The following ENG variants were observed in gnomAD, a reference collection of about 807,000 sequenced individuals.
ENG encodes endoglin.
In ENG, 17 loss-of-function variants were observed where a neutral mutation model predicts 71.0. The observed-to-expected ratio is 0.24, with a 90% CI of 0.16 to 0.36. The LOEUF is 0.36. ENG is among the 10% of genes least tolerant of loss of function. The pLI, the probability that ENG is intolerant of heterozygous loss-of-function variation, is 1.00. For missense variants in ENG, 749 were observed against 868.3 expected (o/e 0.86, Z 1.73); for synonymous variants, 360 against 366.9 (o/e 0.98, Z 0.21).
chr9:127,815,799 G>T lies in ENG; in HGVS notation c.1860C>A (p.Pro620=). ...CCGCCACCACGGGCTCCCGCTTGCT[G>T]GGGGAACCTGGGAGCGGGAGCGGGG... is the stretch of plus-strand genomic sequence containing the variant. ...LWYIYSHTRS[P]SKREPVVAVA... The change falls in exon 15 of 15, where the codon CCC becomes CCA. Residue 620 remains proline, a synonymous_variant. Coordinates refer to ENST00000373203, the MANE Select transcript of ENG (RefSeq NM_001114753.3). The T allele has an allele frequency of 1.3e-6, 2 of 1,546,470 alleles. No homozygotes were observed. Among genetic ancestry groups the T allele is most frequent in the Non-Finnish European group, 1.7e-6 (2 of 1,146,774 alleles).
At chr9:127,816,456 T>A in intron 13 of ENG, 1 of 341,706 alleles carries the variant, frequency 2.9e-6, no homozygotes. Context: ...CCAGAGCAGC[T>A]CCGAGTGCCC....
intron 1 of ENG, among the ~76,000 whole-genome samples, chr9:127,849,211 A>C (rs1255034215): frequency 6.6e-6 from 1 of 152,248 alleles, no homozygotes; most frequent in Non-Finnish European, 1.5e-5. Flanking sequence ...GGAACGACGT[A>C]GCAGTAGGGG....
At chr9:127,825,113 T>C in intron 6 of ENG, 118 bp downstream of exon 6, 1 of 1,597,882 alleles carries the variant, frequency 6.3e-7, no homozygotes. Flanking sequence ...TTCCCTCACG[T>C]ATGGGCATAG....
At chr9:127,845,716 T>C (rs1253731437) in intron 1 of ENG, among the ~76,000 whole-genome samples, 1 of 152,220 alleles carries the variant, frequency 6.6e-6, no homozygotes, top group Admixed American at 6.5e-5. Flanking sequence ...TTTCTATTTG[T>C]TTATTTTTCA....
chr9:127,831,680 T>C (rs981786904), intron 2 of ENG, among the ~76,000 whole-genome samples: 17 of 149,696 alleles, frequency 1.1e-4, no homozygotes, highest in African/African-American at 3.9e-4. Flanking sequence ...CCACCCTGCC[T>C]GGCCTTTTTT....
intron 12 of ENG, chr9:127,817,776 A>G: frequency 2.3e-6 from 1 of 443,250 alleles, no homozygotes; most frequent in Non-Finnish European, 4.2e-6. Context: ...GTTCTTTGAG[A>G]TTACACTGGT....
intron 2 of ENG, among the ~76,000 whole-genome samples, chr9:127,834,452 C>G (rs1421845482): frequency 1.4e-5 from 2 of 145,930 alleles, no homozygotes; most frequent in Non-Finnish European, 3.0e-5. Flanking sequence ...CTCTGTTGCC[C>G]AGGCTAAAGT....
intron 2 of ENG, among the ~76,000 whole-genome samples, chr9:127,839,712 C>A (rs747740266): frequency 6.6e-6 from 1 of 152,112 alleles, no homozygotes; most frequent in East Asian, 1.9e-4. Flanking sequence ...CCTGCCACCA[C>A]GCCTGGCTAA....
chr9:127,829,971 G>A (rs1830723895), intron 2 of ENG, 144 bp from the exon 3 acceptor site: 5 of 1,132,634 alleles, frequency 4.4e-6, no homozygotes, highest in Non-Finnish European at 6.5e-6. Context: ...GCCCAGGGTA[G>A]TGCCTGTCCC....
intron 1 of ENG, among the ~76,000 whole-genome samples, chr9:127,844,802 G>A (rs1454248177): frequency 6.6e-6 from 1 of 152,214 alleles, no homozygotes; most frequent in Non-Finnish European, 1.5e-5. Context: ...CTCCCTCCAG[G>A]TAAGGCAGGA....
At position 127,837,358 on chromosome 9, in the gene ENG, A is replaced by G. The variant is rs534659248; in HGVS notation, c.219+5736T>C. 2.0e-5 allele frequency among the ~76,000 whole-genome samples: 3 copies of G among 152,144 alleles called. No homozygotes were observed. In the South Asian group the frequency reaches 6.2e-4, roughly 32 times the overall value. ...CCTTCTGGGGGTCCCAGCATTTTAC[A>G]TCTAGGAGTCCTGGTCTCCAGCCAG... On this transcript the variant is annotated intron_variant, in intron 2 of 14. Transcript: ENST00000373203.
chr9:127,830,611 C>T (rs1830741473), intron 2 of ENG, among the ~76,000 whole-genome samples: 1 of 151,370 alleles, frequency 6.6e-6, no homozygotes, highest in South Asian at 2.1e-4. Context: ...TGCGCTATTG[C>T]ACTCCAGCCT....
At chr9:127,844,503 A>AGCCTCG (rs1034921789) in intron 1 of ENG, among the ~76,000 whole-genome samples, 9 of 151,024 alleles carry the variant, frequency 6.0e-5, no homozygotes, top group Non-Finnish European at 1.2e-4. Context: ...AGCTCACTGC[A>AGCCTCG]GCCTCAGCCT....
chr9:127,846,917 G>A lies in ENG; in HGVS notation c.68-3672C>T, dbSNP rs1831180511. 1.0e-6 allele frequency: 1 copy of A among 985,476 alleles called. No individual in the cohort carries two copies. Among genetic ancestry groups the A allele is most frequent in the African/African-American group, 1.7e-5 (1 of 57,230 alleles). 61.0% of individuals were successfully genotyped at this position (985,476 alleles called of 1,614,324 possible). Reference sequence around the variant, plus strand: ...ACCCATGTGCACACAGCACCTCCCAGATTTCCAGAGGGCTACCTTCAGCAC... The same window carrying A: ...ACCCATGTGCACACAGCACCTCCCAAATTTCCAGAGGGCTACCTTCAGCAC... On this transcript the variant is annotated intron_variant, in intron 1 of 14. Transcript: ENST00000373203. This position sits in a 1 kb window ranked among gnomAD's most constrained non-coding sequence, Gnocchi z 5.5.
At chr9:127,826,733 G>A in intron 3 of ENG, 61 bp from the exon 4 acceptor site, 1 of 1,597,650 alleles carries the variant, frequency 6.3e-7, no homozygotes, top group East Asian at 2.2e-5. Context: ...TCTATCCCAT[G>A]TAGGAGGTCA....
At position 127,822,051 on chromosome 9, in the gene ENG, GAAAAA is replaced by G. The variant is rs557178225; in HGVS notation, c.1135-2019_1135-2015del. 1.7e-4 allele frequency among the ~76,000 whole-genome samples: 25 copies of G among 148,294 alleles called. 1 individual carries two copies. In the South Asian group the frequency reaches 5.4e-3, roughly 32 times the overall value. The stretch of plus-strand genomic sequence containing the variant: ...GGTGACAGAGCAAGACTGTCTCAAA[GAAAAA>G]AAAAGAAAAGAAAAGAAAAACCACT... On this transcript the variant is annotated intron_variant, in intron 8 of 14. Coordinates refer to ENST00000373203, the MANE Select transcript of ENG (RefSeq NM_001114753.3).
Position 127,846,290 on chromosome 9 carries a change from C to G in ENG, c.68-3045G>C, listed in dbSNP as rs564412673. 6.6e-6 allele frequency among the ~76,000 whole-genome samples: 1 copy of G among 152,334 alleles called. No homozygotes were observed. Among genetic ancestry groups the G allele is most frequent in the African/African-American group, 2.4e-5 (1 of 41,572 alleles). ...CGCAGGTTCCTTGGCTGTTACCTAG[C>G]TTAAGCCCCTCCTACTCAGATGGGG... On this transcript the variant is annotated intron_variant, in intron 1 of 14. Coordinates refer to ENST00000373203, the MANE Select transcript of ENG (RefSeq NM_001114753.3). This position sits in a 1 kb window ranked among gnomAD's most constrained non-coding sequence, Gnocchi z 5.5.
rs140155568 is a variant in ENG at position 127,824,891 on chromosome 9, C to T, written c.900G>A (p.Leu300=). The T allele has an allele frequency of 1.3e-5, 21 of 1,613,626 alleles. No homozygotes were observed. The highest frequency in any genetic ancestry group is 1.7e-5 in the Non-Finnish European group (20 of 1,179,786). ...TGGCATTGAGCATCCGGGCCTCCCC[C>T]AGGAGGCCTTGAGGTGTGTCTGGGA... is the stretch of plus-strand genomic sequence containing the variant. ...FKLPDTPQGL[L]GEARMLNASI... Residue 300 remains leucine, a synonymous_variant, in exon 7 of 15, where the codon CTG becomes CTA. Transcript: ENST00000373203.
chr9:127,827,966 G>A (rs887991877), intron 3 of ENG, among the ~76,000 whole-genome samples: 4 of 147,846 alleles, frequency 2.7e-5, no homozygotes, highest in South Asian at 4.2e-4. Flanking sequence ...TTGCAGTGAG[G>A]CGAGATGGGG....
Sources: gnomAD v4.1 joint callset for allele counts (sites outside exome capture counted in the v4.1 genomes callset) on GRCh38, gnomAD v4.1.1 for gene constraint, Gnocchi (gnomAD v3.1) non-coding constraint, MANE v1.5 for transcripts, NCBI Gene and HGNC (gene_info 2026-07-23, HGNC 2026-07-21) for gene names.